The following MYO3A variants were observed in gnomAD, a reference collection of about 807,000 sequenced individuals.
MYO3A encodes myosin-IIIa.
In MYO3A, 180 loss-of-function variants were observed where a neutral mutation model predicts 192.7. The observed-to-expected ratio is 0.93, with a 90% CI of 0.83 to 1.06. The LOEUF is 1.06. MYO3A is among the 50% of genes least tolerant of loss of function. The pLI, the probability that MYO3A is intolerant of heterozygous loss-of-function variation, is 0.00. For missense variants in MYO3A, 1,896 were observed against 1,905.0 expected (o/e 1.00, Z 0.09); for synonymous variants, 628 against 645.3 (o/e 0.97, Z 0.41).
At chr10:26,198,118 A>T (rs72787374) in intron 32 of MYO3A, among the ~76,000 whole-genome samples, 87 of 152,270 alleles carry the variant, frequency 5.7e-4, no homozygotes, top group Middle Eastern at 3.4e-3. Context: ...CTCTGCTTTC[A>T]GTTGTTTTGC....
rs1432265514 is a variant in MYO3A, at chr10:26,033,063, T to A, written c.953+6531T>A. ...TATTCCATCTGTGTTCTTTGTTCCCTTATTTTATTTTATTTTATTTATTTT... is the reference window on the plus strand; with the variant it reads ...TATTCCATCTGTGTTCTTTGTTCCCATATTTTATTTTATTTTATTTATTTT... On this transcript the variant is annotated intron_variant, in intron 10 of 34. Transcript: ENST00000642920. Among the ~76,000 whole-genome samples the A allele has an allele frequency of 2.6e-5, 4 of 151,898 alleles. No homozygotes were observed. The East Asian group carries it at 7.7e-4, about 29-fold the overall frequency.
intron 10 of MYO3A, among the ~76,000 whole-genome samples, chr10:26,029,209 C>T (rs1384233405): frequency 1.3e-5 from 2 of 152,164 alleles, no homozygotes; most frequent in African/African-American, 2.4e-5. Context: ...CAGTGTTATG[C>T]TCAACACTTT....
chr10:26,194,816 C>T (rs551455104), intron 32 of MYO3A, among the ~76,000 whole-genome samples: 6 of 152,270 alleles, frequency 3.9e-5, no homozygotes, highest in Middle Eastern at 3.4e-3. Context: ...CTCTGTAGCT[C>T]CAGACTCAAA....
chr10:26,035,554 C>A (rs997896365), intron 10 of MYO3A, among the ~76,000 whole-genome samples: 1 of 152,164 alleles, frequency 6.6e-6, no homozygotes, highest in Non-Finnish European at 1.5e-5. Flanking sequence ...TACCACTTTC[C>A]CCCCTGCCAA....
rs1474111287 is a variant in MYO3A at position 26,088,367 on chromosome 10, A to T, written c.1524A>T (p.Glu508Asp). The T allele has an allele frequency of 1.9e-6, 3 of 1,613,982 alleles. No individual in the cohort carries two copies. The highest frequency in any genetic ancestry group is 3.3e-5 in the Admixed American group (2 of 60,016). Reference sequence around the variant, plus strand: ...CGGTAGTGGGAGCACAGATTTCTGAATATCTCCTGGAAAAATCCCGAGTTA... The same window carrying T: ...CGGTAGTGGGAGCACAGATTTCTGATTATCTCCTGGAAAAATCCCGAGTTA... Reference protein sequence around the residue: ...SGAVVGAQISEYLLEKSRVIH... With the variant: ...SGAVVGAQISDYLLEKSRVIH... The change falls in exon 15 of 35, where the codon GAA (glutamate) becomes GAT (aspartate). Residue 508 changes from glutamate to aspartate, a missense_variant. Glu to Asp is a conservative substitution (Grantham distance 45). Coordinates refer to ENST00000642920, the MANE Select transcript of MYO3A (RefSeq NM_017433.5).
At chr10:26,050,084 T>C (rs2131281643) in intron 10 of MYO3A, among the ~76,000 whole-genome samples, 1 of 152,256 alleles carries the variant, frequency 6.6e-6, no homozygotes, top group Admixed American at 6.5e-5. Context: ...GTCTTTTTTT[T>C]CTAGGTTCTC....
chr10:26,196,736 T>G (rs543889061), intron 32 of MYO3A, among the ~76,000 whole-genome samples: 14 of 152,352 alleles, frequency 9.2e-5, no homozygotes, highest in Non-Finnish European at 1.3e-4. Flanking sequence ...TTTTAAACCC[T>G]TTCTTGATGA....
chr10:26,043,716 G>A (rs933753096), intron 10 of MYO3A, among the ~76,000 whole-genome samples: 4 of 152,124 alleles, frequency 2.6e-5, no homozygotes, highest in Non-Finnish European at 5.9e-5. Context: ...TCAGGGCAGC[G>A]GGCTCCTTTC....
intron 6 of MYO3A, among the ~76,000 whole-genome samples, chr10:26,000,489 A>G (rs1290841215): frequency 6.6e-6 from 1 of 152,248 alleles, no homozygotes; most frequent in East Asian, 1.9e-4. Flanking sequence ...TTAGCATTCA[A>G]AAATAGGAAT....
chr10:26,061,249 T>A (rs1834459815), intron 10 of MYO3A, among the ~76,000 whole-genome samples: 1 of 152,160 alleles, frequency 6.6e-6, no homozygotes, highest in East Asian at 1.9e-4. Context: ...TTTTTGCAGC[T>A]TTGTATCAAG....
intron 20 of MYO3A, among the ~76,000 whole-genome samples, chr10:26,138,535 AATATCATC>A (rs761947526): frequency 2.0e-5 from 3 of 152,234 alleles, no homozygotes; most frequent in African/African-American, 4.8e-5. Flanking sequence ...TTATGATAAT[AATATCATC>A]ATCATGGTGA....
intron 6 of MYO3A, among the ~76,000 whole-genome samples, chr10:26,015,597 C>G (rs1449231422): frequency 6.6e-6 from 1 of 152,058 alleles, no homozygotes; most frequent in African/African-American, 2.4e-5. Context: ...AATTCATGAC[C>G]ATTAAGTTAT....
chr10:26,029,977 T>C (rs1406408609), intron 10 of MYO3A, among the ~76,000 whole-genome samples: 1 of 152,114 alleles, frequency 6.6e-6, no homozygotes, highest in African/African-American at 2.4e-5. Context: ...TTGAAGGAAA[T>C]TGCAGATCCA....
chr10:25,995,223 T>A (rs1761820361), intron 4 of MYO3A, among the ~76,000 whole-genome samples: 1 of 152,230 alleles, frequency 6.6e-6, no homozygotes, highest in Non-Finnish European at 1.5e-5. Context: ...TTATTCTTTT[T>A]TCTCTAAACT....
intron 10 of MYO3A, among the ~76,000 whole-genome samples, chr10:26,045,218 G>A (rs1490650687): frequency 6.6e-6 from 1 of 152,184 alleles, no homozygotes; most frequent in Non-Finnish European, 1.5e-5. Context: ...GGCTGAAGCA[G>A]ACTTGTCCAT....
intron 4 of MYO3A, among the ~76,000 whole-genome samples, chr10:25,963,908 C>A (rs1214925304): frequency 6.6e-6 from 1 of 151,886 alleles, no homozygotes; most frequent in African/African-American, 2.4e-5. Context: ...ACTTCAGTGC[C>A]GGAAAAAGCA....
At chr10:26,019,407 T>C (rs1842176271) in intron 7 of MYO3A, among the ~76,000 whole-genome samples, 1 of 152,048 alleles carries the variant, frequency 6.6e-6, no homozygotes, top group Non-Finnish European at 1.5e-5. Flanking sequence ...TACAGGCGCC[T>C]GCCAACACGC....
intron 8 of MYO3A, 76 bp downstream of exon 8, chr10:26,021,724 T>G: frequency 3.8e-6 from 6 of 1,564,092 alleles, no homozygotes; most frequent in Non-Finnish European, 4.4e-6. Flanking sequence ...CATCATGCTC[T>G]TCATGGAGAC....
chr10:26,054,367 C>A (rs1844191441), intron 10 of MYO3A, among the ~76,000 whole-genome samples: 1 of 152,102 alleles, frequency 6.6e-6, no homozygotes, highest in African/African-American at 2.4e-5. Flanking sequence ...GAAATCCCAC[C>A]TTTTCACCCA....
Sources: gnomAD v4.1 joint callset for allele counts (sites outside exome capture counted in the v4.1 genomes callset) on GRCh38, gnomAD v4.1.1 for gene constraint, MANE v1.5 for transcripts, NCBI Gene and HGNC (gene_info 2026-07-23, HGNC 2026-07-21) for gene names.